The following HS3ST2 variants were observed in gnomAD, a reference collection of about 807,000 sequenced individuals.
HS3ST2 encodes the protein heparan sulfate-glucosamine 3-sulfotransferase 2.
In HS3ST2, 17 loss-of-function variants were observed where a neutral mutation model predicts 26.3. The ratio of observed to expected loss-of-function variants is 0.65; its 90% CI spans 0.44 to 0.97. The LOEUF is 0.97. Among genes scored for constraint, HS3ST2 ranks in the 50% least tolerant of loss-of-function variants. The pLI is 0.00. For synonymous variants in HS3ST2, 237 were observed against 219.2 expected (o/e 1.08, Z -0.72); for missense variants, 402 against 501.2 (o/e 0.80, Z 1.89).
chr16:22,875,603 G>A (rs937105259), intron 1 of HS3ST2, among the ~76,000 whole-genome samples: 5 of 151,942 alleles, frequency 3.3e-5, no homozygotes, highest in African/African-American at 9.7e-5. Context: ...GGATGGTCTC[G>A]ATCTCCTGAC....
chr16:22,862,522 C>T (rs1305473807), intron 1 of HS3ST2, among the ~76,000 whole-genome samples: 1 of 152,164 alleles, frequency 6.6e-6, no homozygotes, highest in East Asian at 1.9e-4. Flanking sequence ...GCTTCACCCG[C>T]CCTGGACTAT....
chr16:22,875,227 G>A (rs1468418751), intron 1 of HS3ST2, among the ~76,000 whole-genome samples: 1 of 151,962 alleles, frequency 6.6e-6, no homozygotes, highest in African/African-American at 2.4e-5. Context: ...TTGTACAGCT[G>A]TACAAAGATA....
intron 1 of HS3ST2, among the ~76,000 whole-genome samples, chr16:22,863,204 T>C (rs16973845): frequency 0.064 from 9,670 of 152,278 alleles, 670 homozygotes; most frequent in East Asian, 0.3. Context: ...CCCTTTGGGA[T>C]AGCACATCAG....
intron 1 of HS3ST2, among the ~76,000 whole-genome samples, chr16:22,854,204 C>T (rs886796205): frequency 6.6e-6 from 1 of 152,072 alleles, no homozygotes; most frequent in East Asian, 1.9e-4. Context: ...AGCTCAACAT[C>T]GTCTTTGATG....
rs1209915023 is a variant in HS3ST2, at chr16:22,814,919, C to G, written c.309C>G (p.His103Gln). The G allele has an allele frequency of 6.3e-7, 1 of 1,599,244 alleles. No individual in the cohort carries two copies. Among genetic ancestry groups the G allele is most frequent in the Non-Finnish European group, 8.5e-7 (1 of 1,173,538 alleles). Residue 103 changes from histidine to glutamine, a missense_variant, in exon 1 of 2, where the codon CAC becomes CAG. By Grantham distance (24) the His-to-Gln change is conservative. Around this residue, in one of 2 missense-constraint regions of HS3ST2, gnomAD observed 165 missense variants for 154.6 expected, o/e 1.07. Coordinates refer to ENST00000261374, the MANE Select transcript of HS3ST2 (RefSeq NM_006043.2). ...VPAPRLSGSNHSGSPKLGTKR... is the reference protein window; with the variant it reads ...VPAPRLSGSNQSGSPKLGTKR... ...CCCCTCGCCTCTCCGGTTCCAACCACTCCGGCTCACCCAAGCTGGGTACCA... is the reference window on the plus strand; with the variant it reads ...CCCCTCGCCTCTCCGGTTCCAACCAGTCCGGCTCACCCAAGCTGGGTACCA...
chr16:22,843,497 T>C (rs1901388358), intron 1 of HS3ST2, among the ~76,000 whole-genome samples: 1 of 152,176 alleles, frequency 6.6e-6, no homozygotes, highest in Admixed American at 6.5e-5. Context: ...TATTTGAGAT[T>C]GATTAATTTG....
intron 1 of HS3ST2, among the ~76,000 whole-genome samples, chr16:22,824,005 G>T (rs1901042689): frequency 6.6e-6 from 1 of 152,200 alleles, no homozygotes; most frequent in African/African-American, 2.4e-5. Context: ...ATTCTTACTG[G>T]TGGAAAGTCA....
At chr16:22,901,480 C>A (rs543530701) in intron 1 of HS3ST2, among the ~76,000 whole-genome samples, 24 of 152,248 alleles carry the variant, frequency 1.6e-4, no homozygotes, top group African/African-American at 5.8e-4. Context: ...GATTCAAATG[C>A]ACATTAAAGT....
At chr16:22,850,711 C>T (rs536117509) in intron 1 of HS3ST2, among the ~76,000 whole-genome samples, 10 of 152,192 alleles carry the variant, frequency 6.6e-5, no homozygotes, top group East Asian at 3.9e-4. Flanking sequence ...CCCTTGAACC[C>T]GGGAGGCGGA....
At chr16:22,874,612 C>T (rs1194794912) in intron 1 of HS3ST2, among the ~76,000 whole-genome samples, 8 of 152,168 alleles carry the variant, frequency 5.3e-5, no homozygotes, top group Non-Finnish European at 1.2e-4. Flanking sequence ...CTGTCTGGAA[C>T]GAGGCATTAT....
Position 22,915,429 on chromosome 16 carries a change from G to A in HS3ST2, c.971G>A (p.Arg324Gln), listed in dbSNP as rs1335261076. ...AAAACAGAATCGAGCCTCCTGCCTC[G>A]ATGCTTGGGCAAATCAAAAGGGAGA... ...LKKTESSLLP[R>Q]CLGKSKGRTH... Residue 324 changes from arginine (R) to glutamine (Q), a missense_variant, in exon 2 of 2, where the codon CGA (arginine) becomes CAA (glutamine). This residue lies in a region of HS3ST2 where 237 missense variants were observed against 346.6 expected (regional missense o/e 0.68). Coordinates refer to ENST00000261374, the MANE Select transcript of HS3ST2 (RefSeq NM_006043.2). The A allele has an allele frequency of 3.7e-6, 6 of 1,613,494 alleles. No homozygotes were observed. Among genetic ancestry groups the A allele is most frequent in the Non-Finnish European group, 5.1e-6 (6 of 1,179,946 alleles).
intron 1 of HS3ST2, among the ~76,000 whole-genome samples, chr16:22,906,342 G>A (rs928210282): frequency 2.7e-5 from 3 of 112,580 alleles, no homozygotes; most frequent in African/African-American, 1.0e-4. Flanking sequence ...CTGCACTCCA[G>A]CCTGGCGACA....
At chr16:22,838,328 G>A (rs1265631404) in intron 1 of HS3ST2, among the ~76,000 whole-genome samples, 2 of 152,072 alleles carry the variant, frequency 1.3e-5, no homozygotes, top group Non-Finnish European at 2.9e-5. Flanking sequence ...GAATATGTTC[G>A]AAGCTGACCC....
chr16:22,910,254 G>T (rs1902409438), intron 1 of HS3ST2, among the ~76,000 whole-genome samples: 2 of 152,066 alleles, frequency 1.3e-5, no homozygotes. Flanking sequence ...TCCTTTCTTG[G>T]ATATTCTTTA....
intron 1 of HS3ST2, among the ~76,000 whole-genome samples, chr16:22,902,922 T>C (rs1224381903): frequency 6.6e-6 from 1 of 152,204 alleles, no homozygotes; most frequent in African/African-American, 2.4e-5. Flanking sequence ...TGGAAAAATA[T>C]ATAAAACATA....
chr16:22,901,474 C>T (rs1902281372), intron 1 of HS3ST2, among the ~76,000 whole-genome samples: 1 of 152,138 alleles, frequency 6.6e-6, no homozygotes, highest in Non-Finnish European at 1.5e-5. Flanking sequence ...ACACGAGATT[C>T]AAATGCACAT....
At chr16:22,886,363 C>T (rs1902058185) in intron 1 of HS3ST2, among the ~76,000 whole-genome samples, 1 of 152,182 alleles carries the variant, frequency 6.6e-6, no homozygotes, top group African/African-American at 2.4e-5. Context: ...TCATGTCTCT[C>T]CATTGGACAC....
chr16:22,885,135 C>A (rs1285856567), intron 1 of HS3ST2, among the ~76,000 whole-genome samples: 1 of 152,064 alleles, frequency 6.6e-6, no homozygotes, highest in Non-Finnish European at 1.5e-5. Context: ...GCCATCGCTC[C>A]CAGCCAACAT....
chr16:22,823,648 A>G (rs1272071575), intron 1 of HS3ST2, among the ~76,000 whole-genome samples: 1 of 150,528 alleles, frequency 6.6e-6, no homozygotes, highest in Non-Finnish European at 1.5e-5. Flanking sequence ...TTAGCCAGGC[A>G]TGGTGGCAGG....
Sources: gnomAD v4.1 joint callset for allele counts (sites outside exome capture counted in the v4.1 genomes callset) on GRCh38, gnomAD v4.1.1 for gene constraint, gnomAD v4.1.1 regional missense constraint, MANE v1.5 for transcripts, NCBI Gene and HGNC (gene_info 2026-07-23, HGNC 2026-07-21) for gene names.